The following ARHGAP25 variants were observed in gnomAD, a reference collection of about 807,000 sequenced individuals.
ARHGAP25 encodes the protein Rho GTPase activating protein 25.
Under a neutral mutation model 71.0 loss-of-function variants are expected in ARHGAP25, and 34 were observed. The observed-to-expected ratio is 0.48, with a 90% CI of 0.36 to 0.64. The LOEUF (loss-of-function observed/expected upper bound fraction) is 0.64. Ranked by LOEUF, ARHGAP25 falls within the 30% of genes least tolerant of loss-of-function variation. The pLI, the probability that ARHGAP25 is intolerant of heterozygous loss-of-function variation, is 0.00. For synonymous variants in ARHGAP25, 282 were observed against 296.5 expected, an observed-to-expected ratio of 0.95 and a Z score of 0.50; for missense variants, 706 against 805.1, an observed-to-expected ratio of 0.88 and a Z score of 1.49.
At chr2:68,825,262 C>T (rs545817318) in intron 10 of ARHGAP25, among the ~76,000 whole-genome samples, 38 of 152,234 alleles carry the variant, frequency 2.5e-4, no homozygotes, top group African/African-American at 8.2e-4. Flanking sequence ...TCCATTGACA[C>T]AGGATGAGGA....
intron 9 of ARHGAP25, chr2:68,819,586 TGAAA>T (rs1038203691): frequency 1.9e-5 from 12 of 634,706 alleles, no homozygotes; most frequent in Non-Finnish European, 3.1e-5. Flanking sequence ...AAGCCCACTC[TGAAA>T]GAGAGACTCA....
intron 4 of ARHGAP25, 84 bp from the exon 5 acceptor site, chr2:68,807,189 G>A: frequency 7.5e-7 from 1 of 1,333,470 alleles, no homozygotes; most frequent in Non-Finnish European, 1.1e-6. Flanking sequence ...AACCTGTGAA[G>A]ACACAGGTGA....
chr2:68,792,400 A>G (rs1396895955), intron 4 of ARHGAP25, among the ~76,000 whole-genome samples: 1 of 152,144 alleles, frequency 6.6e-6, no homozygotes, highest in African/African-American at 2.4e-5. Flanking sequence ...CTCATCATAC[A>G]CCGCCTTCCA....
At chr2:68,732,297 A>G (rs1490426507), upstream of ARHGAP25, among the ~76,000 whole-genome samples, 1 of 152,118 alleles carries the variant, frequency 6.6e-6, no homozygotes. Context: ...ACTGACAGGA[A>G]CCTACCCTGA....
upstream of ARHGAP25, among the ~76,000 whole-genome samples, chr2:68,731,819 C>G (rs569149439): frequency 4.6e-5 from 7 of 152,060 alleles, no homozygotes; most frequent in East Asian, 1.9e-4. Context: ...TATACACCCC[C>G]CCTAGCTCCC....
At chr2:68,762,656 C>CT (rs1336967813) in intron 1 of ARHGAP25, among the ~76,000 whole-genome samples, 1 of 152,042 alleles carries the variant, frequency 6.6e-6, no homozygotes, top group African/African-American at 2.4e-5. Flanking sequence ...TGCACAAAAG[C>CT]TTAGTTGGTC....
At chr2:68,722,564 C>A (rs949781698) in intron 2 of ARHGAP25, among the ~76,000 whole-genome samples, 1 of 140,014 alleles carries the variant, frequency 7.1e-6, no homozygotes, top group Non-Finnish European at 1.5e-5. Context: ...GATGACAGAG[C>A]GAGACCCTGT....
intron 2 of ARHGAP25, among the ~76,000 whole-genome samples, chr2:68,717,714 CA>C (rs1296576820): frequency 6.6e-6 from 1 of 152,110 alleles, no homozygotes; most frequent in African/African-American, 2.4e-5. Flanking sequence ...ATCCATAAAG[CA>C]ATGGCAGAAA....
intron 8 of ARHGAP25, among the ~76,000 whole-genome samples, 159 bp from the exon 9 acceptor site, chr2:68,818,964 T>C (rs188438041): frequency 5.3e-4 from 81 of 152,254 alleles, no homozygotes; most frequent in African/African-American, 1.9e-3. Context: ...AATCTCCAAC[T>C]CCAAGCAATT....
chr2:68,716,150 G>A (rs1674604420), intron 2 of ARHGAP25, among the ~76,000 whole-genome samples: 1 of 152,008 alleles, frequency 6.6e-6, no homozygotes, highest in African/African-American at 2.4e-5. Context: ...ATCCTTTCCT[G>A]TGCCCGCCAT....
chr2:68,758,485 A>G (rs1676612640), intron 1 of ARHGAP25, among the ~76,000 whole-genome samples: 2 of 151,974 alleles, frequency 1.3e-5, no homozygotes, highest in Admixed American at 1.3e-4. Flanking sequence ...AATGAACTTT[A>G]AATTTAAAAA....
Position 68,782,272 on chromosome 2 carries a change from G to T in ARHGAP25, c.301G>T (p.Ala101Ser), listed in dbSNP as rs756666210. The change falls in exon 3 of 11, where the codon GCC (alanine) becomes TCC (serine). Residue 101 changes from alanine (A) to serine (S), a missense_variant. By Grantham distance (99) the Ala-to-Ser change is moderately conservative (BLOSUM62 1). Transcript: ENST00000409202. ...ACCAGGATGTACAATCAAGGAGATC[G>T]CCACAAACCCAGAAGAAGCTGGGAA... ...YLPGCTIKEI[A>S]TNPEEAGKFV... The T allele has an allele frequency of 6.2e-7, 1 of 1,614,002 alleles. No individual in the cohort carries two copies. The highest frequency in any genetic ancestry group is 1.3e-5 in the African/African-American group (1 of 75,010).
intron 3 of ARHGAP25, among the ~76,000 whole-genome samples, chr2:68,782,963 C>T (rs1678451989): frequency 6.6e-6 from 1 of 152,244 alleles, no homozygotes; most frequent in Admixed American, 6.5e-5. Context: ...GCCAGGGGCT[C>T]CAGGACTAGA....
At chr2:68,800,862 A>G (rs568161654) in intron 4 of ARHGAP25, among the ~76,000 whole-genome samples, 1 of 152,212 alleles carries the variant, frequency 6.6e-6, no homozygotes, top group South Asian at 2.1e-4. Flanking sequence ...TATAATTATC[A>G]TATTACATAT....
At chr2:68,726,588 C>T (rs1179862224) in intron 2 of ARHGAP25, among the ~76,000 whole-genome samples, 1 of 149,878 alleles carries the variant, frequency 6.7e-6, no homozygotes, top group Non-Finnish European at 1.5e-5. Flanking sequence ...TTCAGGCCTC[C>T]AGATATAAAT....
At chr2:68,817,207 G>C (rs913013762) in intron 7 of ARHGAP25, among the ~76,000 whole-genome samples, 5 of 151,940 alleles carry the variant, frequency 3.3e-5, no homozygotes, top group African/African-American at 1.2e-4. Flanking sequence ...TCATCATTTG[G>C]ACACGTCACC....
Position 68,800,270 on chromosome 2 carries a change from G to A in ARHGAP25, c.467-7003G>A, listed in dbSNP as rs554609972. 1.2e-3 allele frequency among the ~76,000 whole-genome samples: 185 copies of A among 152,162 alleles called. 2 individuals are homozygous for A. The South Asian group carries it at 0.025, about 21-fold the overall frequency. ...GGGAGGGGCTCTTGTCCTGATCTTA[G>A]GAGTGTTTCAGTGATGACAAAGGAG... On this transcript the variant is annotated intron_variant, in intron 4 of 10. Transcript: ENST00000409202.
chr2:68,823,258 A>G (rs1178450374), intron 10 of ARHGAP25, among the ~76,000 whole-genome samples: 1 of 152,182 alleles, frequency 6.6e-6, no homozygotes, highest in Non-Finnish European at 1.5e-5. Context: ...GTTAGGGTAT[A>G]GCACTGAACA....
chr2:68,810,888 C>G (rs1432675804), intron 5 of ARHGAP25, among the ~76,000 whole-genome samples: 1 of 151,922 alleles, frequency 6.6e-6, no homozygotes, highest in Non-Finnish European at 1.5e-5. Context: ...ATTAAAGGCA[C>G]CTGCCACCAC....
Sources: allele counts gnomAD v4.1 joint callset (sites outside exome capture counted in the v4.1 genomes callset), GRCh38; gene constraint gnomAD v4.1.1; transcripts MANE v1.5; gene names NCBI Gene and HGNC (gene_info 2026-07-23, HGNC 2026-07-21).